SLC20A2: variants seen among roughly 807,000 people sequenced by gnomAD.
The protein encoded by SLC20A2 is sodium-dependent phosphate transporter 2.
In SLC20A2, 30 loss-of-function variants were observed where a neutral mutation model predicts 61.0. The observed-to-expected ratio is 0.49, with a 90% CI of 0.37 to 0.67. SLC20A2 has a LOEUF of 0.67. Ranked by LOEUF, SLC20A2 falls within the 30% of genes least tolerant of loss-of-function variation. The pLI, the probability that SLC20A2 is intolerant of heterozygous loss-of-function variation, is 0.00. For missense variants in SLC20A2, 626 were observed against 866.4 expected (o/e 0.72, Z 3.48); for synonymous variants, 351 against 353.3 (o/e 0.99, Z 0.07).
At chr8:42,448,070 T>G (rs1185623642) in intron 5 of SLC20A2, among the ~76,000 whole-genome samples, 1 of 152,240 alleles carries the variant, frequency 6.6e-6, no homozygotes, top group Non-Finnish European at 1.5e-5. Flanking sequence ...CAGCAAAGGA[T>G]TGCACCAAAG....
chr8:42,538,057 A>AT (rs1219826073), intron 1 of SLC20A2: 2 of 152,130 alleles, frequency 1.3e-5, no homozygotes, highest in African/African-American at 4.8e-5. Context: ...TAAGCACGAC[A>AT]TAAGTATTAA....
intron 1 of SLC20A2, among the ~76,000 whole-genome samples, chr8:42,487,065 A>C (rs1378337191): frequency 1.3e-5 from 2 of 150,828 alleles, no homozygotes; most frequent in South Asian, 4.2e-4. Context: ...CGGTTTCACT[A>C]TGTTGGCCAG....
At chr8:42,432,401 T>C (rs7836029) in intron 8 of SLC20A2, among the ~76,000 whole-genome samples, 1 of 152,338 alleles carries the variant, frequency 6.6e-6, no homozygotes, top group African/African-American at 2.4e-5. Context: ...TTCTTATGGA[T>C]GAGCAAAGAA....
At chr8:42,522,911 G>A (rs952505512) in intron 1 of SLC20A2, among the ~76,000 whole-genome samples, 2 of 148,676 alleles carry the variant, frequency 1.3e-5, no homozygotes, top group African/African-American at 5.1e-5. Flanking sequence ...TGGCGGGGTG[G>A]GGGGGGTCTC....
At chr8:42,428,308 A>G (rs1803565147) in intron 10 of SLC20A2, among the ~76,000 whole-genome samples, 1 of 152,252 alleles carries the variant, frequency 6.6e-6, no homozygotes, top group African/African-American at 2.4e-5. Flanking sequence ...TTTGAACATC[A>G]TATAAGGAAC....
chr8:42,528,986 A>ATTATTT (rs1812162437), intron 1 of SLC20A2, among the ~76,000 whole-genome samples: 3 of 142,924 alleles, frequency 2.1e-5, no homozygotes, highest in African/African-American at 8.2e-5. Context: ...TATTATTATT[A>ATTATTT]TTTTTTGAGA....
At chr8:42,519,052 C>T (rs973566633) in intron 1 of SLC20A2, among the ~76,000 whole-genome samples, 4 of 152,254 alleles carry the variant, frequency 2.6e-5, no homozygotes, top group African/African-American at 7.2e-5. Flanking sequence ...AGGCACTGTA[C>T]TCAAACTGTA....
intron 10 of SLC20A2, among the ~76,000 whole-genome samples, chr8:42,427,055 T>A (rs976899499): frequency 6.6e-6 from 1 of 152,240 alleles, no homozygotes; most frequent in Non-Finnish European, 1.5e-5. Context: ...ATTAGGAAAC[T>A]CACAATGAAT....
intron 5 of SLC20A2, among the ~76,000 whole-genome samples, chr8:42,452,870 G>C (rs755888779): frequency 3.3e-5 from 5 of 152,126 alleles, no homozygotes; most frequent in African/African-American, 4.8e-5. Context: ...GTTGGGTTAG[G>C]GTTAGAACTT....
chr8:42,487,733 G>A (rs1809146870), intron 1 of SLC20A2, among the ~76,000 whole-genome samples: 2 of 152,094 alleles, frequency 1.3e-5, no homozygotes, highest in Admixed American at 1.3e-4. Flanking sequence ...TTTAAATTAT[G>A]GTAAAATACA....
At chr8:42,511,209 G>A (rs562968554) in intron 1 of SLC20A2, among the ~76,000 whole-genome samples, 1 of 152,208 alleles carries the variant, frequency 6.6e-6, no homozygotes, top group Admixed American at 6.5e-5. Flanking sequence ...ATGCCCACGT[G>A]TGTGGTGGAA....
At chr8:42,440,887 G>A (rs1016199995) in intron 6 of SLC20A2, among the ~76,000 whole-genome samples, 2 of 152,150 alleles carry the variant, frequency 1.3e-5, no homozygotes, top group African/African-American at 2.4e-5. Context: ...TGTAACCTCC[G>A]CCTCACGCGT....
chr8:42,455,717 G>T (rs976360207), intron 5 of SLC20A2, among the ~76,000 whole-genome samples: 1 of 152,172 alleles, frequency 6.6e-6, no homozygotes, highest in Middle Eastern at 3.4e-3. Context: ...TACATACCAG[G>T]TATTATATGT....
At chr8:42,451,707 G>GGAGGAGGAGGAAGAGATGAAA (rs1805679736) in intron 5 of SLC20A2, among the ~76,000 whole-genome samples, 3 of 132,918 alleles carry the variant, frequency 2.3e-5, no homozygotes, top group East Asian at 2.5e-4. Context: ...GAGATGAAGA[G>GGAGGAGGAGGAAGAGATGAAA]GAGGAGGAGG....
Position 42,437,487 on chromosome 8 carries a change from T to G in SLC20A2, c.1025A>C (p.His342Pro). 1 of 1,614,172 alleles carries G rather than the reference T, an allele frequency of 6.2e-7. No homozygotes were observed. Among genetic ancestry groups the G allele is most frequent in the Non-Finnish European group, 8.5e-7 (1 of 1,180,032 alleles). The change falls in exon 8 of 11, where the codon CAT becomes CCT. Residue 342 changes from histidine (H) to proline (P), a missense_variant. Physicochemically the swap from His to Pro is moderately conservative, Grantham distance 77 (BLOSUM62 -2). This residue lies in a region of SLC20A2 where 361 missense variants were observed against 422.3 expected (regional missense o/e 0.85). Coordinates refer to ENST00000520262, the MANE Select transcript of SLC20A2 (RefSeq NM_001257180.2). This position sits in a 1 kb window ranked among gnomAD's most constrained non-coding sequence, Gnocchi z 6.4. ...GTCTTTGTGCACGGTGTGGTACACA[T>G]GACCGTCGCTCCTGGTGTGGCCGTC... ...GFDGHTRSDG[H>P]VYHTVHKDSG... is the part of the protein sequence containing the mutation.
intron 1 of SLC20A2, among the ~76,000 whole-genome samples, chr8:42,514,329 TGAAGA>T (rs1433675572): frequency 6.6e-6 from 1 of 152,126 alleles, no homozygotes; most frequent in East Asian, 1.9e-4. Flanking sequence ...GGTAACAGTG[TGAAGA>T]GAAGATTAGA....
Position 42,465,769 on chromosome 8 carries a change from C to A in SLC20A2, c.430+8G>T. On this transcript the variant is annotated splice_region_variant and intron_variant, in intron 3 of 10. Coordinates refer to ENST00000520262, the MANE Select transcript of SLC20A2 (RefSeq NM_001257180.2). ...TCCTTCTTATGGGTAAAAGAAAATGCCAATTACCAATCTTGACAAGCTCCA... is the reference window on the plus strand; with the variant it reads ...TCCTTCTTATGGGTAAAAGAAAATGACAATTACCAATCTTGACAAGCTCCA... 1.3e-6 allele frequency: 2 copies of A among 1,577,316 alleles called. No individual in the cohort carries two copies. Among genetic ancestry groups the A allele is most frequent in the East Asian group, 2.3e-5 (1 of 43,292 alleles).
intron 10 of SLC20A2, among the ~76,000 whole-genome samples, chr8:42,421,921 C>T (rs1803073194): frequency 6.6e-6 from 1 of 151,860 alleles, no homozygotes; most frequent in Non-Finnish European, 1.5e-5. Context: ...GCCTATATAC[C>T]CAACTTGAGC....
At chr8:42,418,013 G>T (rs777755667) in intron 10 of SLC20A2, 46 bp from the exon 11 acceptor site, 41 of 1,554,038 alleles carry the variant, frequency 2.6e-5, no homozygotes, top group Non-Finnish European at 3.1e-5. Flanking sequence ...AGCCACAAAG[G>T]CTACACTCTA....
Sources: allele counts gnomAD v4.1 joint callset (sites outside exome capture counted in the v4.1 genomes callset), GRCh38; gene constraint gnomAD v4.1.1; regional missense constraint gnomAD v4.1.1; non-coding constraint Gnocchi (gnomAD v3.1); transcripts MANE v1.5; gene names NCBI Gene and HGNC (gene_info 2026-07-23, HGNC 2026-07-21).